LIPC: variants seen among roughly 807,000 people sequenced by gnomAD.
The protein encoded by LIPC is hepatic triacylglycerol lipase.
LIPC carries 44 observed loss-of-function variants against 50.7 expected under a neutral mutation model. The ratio of observed to expected loss-of-function variants is 0.87; its 90% CI spans 0.68 to 1.11. The LOEUF (loss-of-function observed/expected upper bound fraction) is 1.11, where lower values mean the gene tolerates loss of function less well. LIPC is among the 50% of genes most tolerant of loss of function. The pLI is 0.00. For missense variants in LIPC, 697 were observed against 648.2 expected (o/e 1.08, Z -0.82); for synonymous variants, 271 against 256.4 (o/e 1.06, Z -0.54).
rs1200460949 is a variant in LIPC, at chr15:58,489,228, GGGC to G, written c.89-49101_89-49099del. Among the ~76,000 whole-genome samples, 819 of 103,446 alleles carry G rather than the reference GGGC, an allele frequency of 7.9e-3. 150 individuals are homozygous for G. The highest frequency in any genetic ancestry group is 0.014 in the Non-Finnish European group (669 of 47,926). 67.9% of individuals were successfully genotyped at this position (103,446 alleles called of 152,430 possible). On this transcript the variant is annotated intron_variant, in intron 1 of 8. Coordinates refer to ENST00000299022, the MANE Select transcript of LIPC (RefSeq NM_000236.3). ...GATTCATTTTGTTGCGGGGGCGGGG[GGGC>G]GGCTTACAAGCTTCCCAGGGTTCAG...
chr15:58,558,072 T>C (rs1894019482), intron 6 of LIPC, among the ~76,000 whole-genome samples: 1 of 1,032 alleles, frequency 9.7e-4, no homozygotes, highest in Admixed American at 0.083. Flanking sequence ...AGCTCTTTTC[T>C]TTTTTTTTTT....
At chr15:58,553,636 A>T (rs1263237455) in intron 6 of LIPC, among the ~76,000 whole-genome samples, 5 of 152,360 alleles carry the variant, frequency 3.3e-5, no homozygotes, top group South Asian at 4.1e-4. Flanking sequence ...GCAAGCATCC[A>T]GTCTCGTGAC....
chr15:58,516,511 A>G (rs1409982641), intron 1 of LIPC, among the ~76,000 whole-genome samples: 1 of 151,900 alleles, frequency 6.6e-6, no homozygotes, highest in Non-Finnish European at 1.5e-5. Context: ...TGTTCTGTTA[A>G]TTTATTTTCA....
intron 1 of LIPC, among the ~76,000 whole-genome samples, chr15:58,513,930 A>G (rs1044276177): frequency 2.6e-5 from 4 of 152,224 alleles, no homozygotes; most frequent in African/African-American, 9.7e-5. Context: ...AGCCTTTGCC[A>G]AGTTCACCCA....
chr15:58,494,660 T>C, intron 1 of LIPC: 1 of 428,054 alleles, frequency 2.3e-6, no homozygotes, highest in East Asian at 7.0e-5. Context: ...TCAGTGCCAA[T>C]GTATATTTCA....
intron 1 of LIPC, 55 bp from the exon 2 acceptor site, chr15:58,538,278 G>A: frequency 6.5e-7 from 1 of 1,533,966 alleles, no homozygotes; most frequent in Non-Finnish European, 9.0e-7. Flanking sequence ...GAAGACGGAG[G>A]GCTTCAGATG....
intron 1 of LIPC, among the ~76,000 whole-genome samples, chr15:58,443,256 C>A (rs2140648898): frequency 6.6e-6 from 1 of 152,294 alleles, no homozygotes; most frequent in Non-Finnish European, 1.5e-5. Flanking sequence ...ATATTCTCAA[C>A]TTCCGTGGGT....
chr15:58,540,820 T>C (rs147602383), intron 2 of LIPC, among the ~76,000 whole-genome samples: 139 of 152,246 alleles, frequency 9.1e-4, no homozygotes, highest in African/African-American at 3.3e-3. Flanking sequence ...TTTTGTTTTG[T>C]TGCGATAGGG....
At chr15:58,519,424 A>AG (rs1892587941) in intron 1 of LIPC, among the ~76,000 whole-genome samples, 1 of 150,588 alleles carries the variant, frequency 6.6e-6, no homozygotes, top group South Asian at 2.1e-4. Context: ...AAAAAAAAAA[A>AG]GAAAAAAAAG....
intron 1 of LIPC, among the ~76,000 whole-genome samples, chr15:58,472,928 AG>A (rs1420549041): frequency 6.6e-6 from 1 of 152,204 alleles, no homozygotes; most frequent in African/African-American, 2.4e-5. Context: ...GCTGTTACTA[AG>A]AGGGGAAGGG....
chr15:58,450,980 T>C (rs1595858994), intron 1 of LIPC, among the ~76,000 whole-genome samples: 1 of 152,140 alleles, frequency 6.6e-6, no homozygotes, highest in Non-Finnish European at 1.5e-5. Flanking sequence ...TTATAAGCCA[T>C]GATGAGGCTG....
intron 1 of LIPC, chr15:58,456,217 T>C (rs1460725627): frequency 6.6e-6 from 1 of 150,860 alleles, no homozygotes; most frequent in Non-Finnish European, 1.5e-5. Context: ...GTCAAATATA[T>C]GTAATGGCAT....
chr15:58,498,006 G>A (rs181167063), intron 1 of LIPC: 2 of 152,134 alleles, frequency 1.3e-5, no homozygotes, highest in Admixed American at 6.5e-5. Context: ...GGCTCTTTCC[G>A]GCCAAAATAT....
chr15:58,531,039 T>C (rs191113920), intron 1 of LIPC, among the ~76,000 whole-genome samples: 1 of 152,344 alleles, frequency 6.6e-6, no homozygotes, highest in African/African-American at 2.4e-5. Flanking sequence ...CTGGGTCCTA[T>C]AGTAAGTGTA....
chr15:58,491,960 G>C lies in LIPC; in HGVS notation c.89-46373G>C, dbSNP rs184946233. Among the ~76,000 whole-genome samples the C allele has an allele frequency of 1.4e-3, 209 of 152,298 alleles. 1 individual carries two copies. Among genetic ancestry groups the C allele is most frequent in the Non-Finnish European group, 2.6e-4 (18 of 68,032 alleles). Reference sequence around the variant, plus strand: ...ACTTTCACACATGACCTGGAGCAGGGGGTCCCAGCTCTGTAGCTGCATTTC... The same window carrying C: ...ACTTTCACACATGACCTGGAGCAGGCGGTCCCAGCTCTGTAGCTGCATTTC... On this transcript the variant is annotated intron_variant, in intron 1 of 8. Coordinates refer to ENST00000299022, the MANE Select transcript of LIPC (RefSeq NM_000236.3).
At chr15:58,435,195 G>A (rs1451433604) in intron 1 of LIPC, 1 of 152,196 alleles carries the variant, frequency 6.6e-6, no homozygotes, top group Non-Finnish European at 1.5e-5. Flanking sequence ...ATGGAGAAGA[G>A]TGACATTGTT....
At chr15:58,526,025 T>A (rs73424691) in intron 1 of LIPC, among the ~76,000 whole-genome samples, 3,077 of 152,284 alleles carry the variant, frequency 0.02, 119 homozygotes, top group African/African-American at 0.071. Context: ...TGTGGCTCAT[T>A]AGCGGCAGAG....
intron 1 of LIPC, among the ~76,000 whole-genome samples, chr15:58,453,486 C>G (rs1893986771): frequency 6.6e-6 from 1 of 152,212 alleles, no homozygotes; most frequent in African/African-American, 2.4e-5. Flanking sequence ...TACTCTCCCT[C>G]TCCCACTTGT....
chr15:58,500,116 C>T (rs1048669024), intron 1 of LIPC, among the ~76,000 whole-genome samples: 4 of 152,138 alleles, frequency 2.6e-5, no homozygotes, highest in African/African-American at 7.2e-5. Context: ...CATCCCTCAA[C>T]AGTCCCTCAG....
Sources: gnomAD v4.1 joint callset for allele counts (sites outside exome capture counted in the v4.1 genomes callset) on GRCh38, gnomAD v4.1.1 for gene constraint, MANE v1.5 for transcripts, NCBI Gene and HGNC (gene_info 2026-07-23, HGNC 2026-07-21) for gene names.